FNBP4: variants seen among roughly 807,000 people sequenced by gnomAD.
The protein encoded by FNBP4 is formin-binding protein 4.
In FNBP4, 34 loss-of-function variants were observed where a neutral mutation model predicts 119.3. The observed-to-expected ratio is 0.28, with a 90% confidence interval of 0.22 to 0.38. The LOEUF is 0.38. Among genes scored for constraint, FNBP4 ranks in the 10% least tolerant of loss-of-function variants. The probability of loss-of-function intolerance (pLI) is 1.00; values close to 1 mark genes in which losing one functional copy is unlikely to be tolerated. For missense variants in FNBP4, 1,112 were observed against 1,228.9 expected (o/e 0.90, Z 1.42); for synonymous variants, 462 against 430.6 (o/e 1.07, Z -0.90).
At chr11:47,762,824 C>G (rs1024280157) in intron 2 of FNBP4, among the ~76,000 whole-genome samples, 1 of 147,396 alleles carries the variant, frequency 6.8e-6, no homozygotes, top group South Asian at 2.1e-4. Context: ...GAAGGAGAAT[C>G]GCCGGAGCCC....
In FNBP4 at chr11:47,755,795, C is replaced by CAA. The variant is rs142581835; in HGVS notation, c.314-1133_314-1132dup. On this transcript the variant is annotated intron_variant, in intron 2 of 16. Transcript: ENST00000263773. ...GACAAAGTGAGACTGACCATGTCTC[C>CAA]AAAAAAAAAACAAAAACAAAAAAAA... 6.4e-3 allele frequency among the ~76,000 whole-genome samples: 852 copies of CAA among 132,314 alleles called. 12 individuals carry two copies. The highest frequency in any genetic ancestry group is 0.023 in the African/African-American group (817 of 35,884). 86.8% of individuals were successfully genotyped at this position (132,314 alleles called of 152,430 possible).
At chr11:47,747,286 C>T (rs529812655) in intron 6 of FNBP4, among the ~76,000 whole-genome samples, 6 of 152,282 alleles carry the variant, frequency 3.9e-5, no homozygotes, top group South Asian at 2.1e-4. Context: ...CTCACTGCAA[C>T]GTCTGCCTCC....
chr11:47,762,689 G>A (rs1296125916), intron 2 of FNBP4, among the ~76,000 whole-genome samples: 2 of 151,778 alleles, frequency 1.3e-5, no homozygotes, highest in Non-Finnish European at 2.9e-5. Context: ...GAGGCAGGTG[G>A]ATTACTTGAA....
At chr11:47,757,903 G>A (rs2097623251) in intron 2 of FNBP4, among the ~76,000 whole-genome samples, 1 of 152,134 alleles carries the variant, frequency 6.6e-6, no homozygotes, top group Admixed American at 6.6e-5. Context: ...TCAAACTCCT[G>A]GCCTCAAATG....
At chr11:47,728,383 G>A (rs981843954) in intron 12 of FNBP4, among the ~76,000 whole-genome samples, 1 of 151,740 alleles carries the variant, frequency 6.6e-6, no homozygotes, top group African/African-American at 2.4e-5. Context: ...CCGAGTAGCT[G>A]GGATTACAGG....
rs368957872 is a variant in FNBP4, at chr11:47,736,674, G to A, written c.1523C>T (p.Ser508Phe). ...TGTCTGTACTTTTATTTTCTCTGGAGATTCTTCTACTTCCATCTCTTTATC... is the reference window on the plus strand; with the variant it reads ...TGTCTGTACTTTTATTTTCTCTGGAAATTCTTCTACTTCCATCTCTTTATC... ...NSDKEMEVEE[S>F]PEKIKVQTTP... Residue 508 changes from serine (S) to phenylalanine (F), a missense_variant, in exon 9 of 17, where the codon TCT becomes TTT. Transcript: ENST00000263773. 13 of 1,604,824 alleles carry A rather than the reference G, an allele frequency of 8.1e-6. No homozygotes were observed. The African/African-American group carries it at 1.7e-4, about 22-fold the overall frequency.
rs143707313 is a variant in FNBP4, at chr11:47,761,315, C to T, written c.313+3955G>A. Reference sequence around the variant, plus strand: ...CTTTATCTTAGAAAAATCTCAGAGGCTGGGCATGGTCGCTCACCGCTCTAA... The same window carrying T: ...CTTTATCTTAGAAAAATCTCAGAGGTTGGGCATGGTCGCTCACCGCTCTAA... On this transcript the variant is annotated intron_variant, in intron 2 of 16. Transcript: ENST00000263773. 1.1e-3 allele frequency among the ~76,000 whole-genome samples: 169 copies of T among 152,290 alleles called. 2 individuals are homozygous for T. Among genetic ancestry groups the T allele is most frequent in the African/African-American group, 3.5e-3 (146 of 41,560 alleles).
chr11:47,720,670 C>A (rs1043351249), intron 15 of FNBP4, among the ~76,000 whole-genome samples: 2 of 151,548 alleles, frequency 1.3e-5, no homozygotes, highest in South Asian at 4.2e-4. Flanking sequence ...ACCTCCCTAT[C>A]CTATGTAATT....
At chr11:47,746,949 C>A (rs1262434107) in intron 6 of FNBP4, among the ~76,000 whole-genome samples, 1 of 152,140 alleles carries the variant, frequency 6.6e-6, no homozygotes, top group Non-Finnish European at 1.5e-5. Context: ...TGTCAAAAGG[C>A]AGACTAGTAG....
chr11:47,751,439 G>T, intron 4 of FNBP4, 149 bp from the exon 5 acceptor site: 1 of 848,384 alleles, frequency 1.2e-6, no homozygotes, highest in Non-Finnish European at 1.8e-6. Flanking sequence ...GCAATCCTAT[G>T]TGGAGGTTTT....
In FNBP4 at chr11:47,719,823, A is replaced by C. The variant is rs866534431; in HGVS notation, c.2963+106T>G. The C allele has an allele frequency of 7.8e-6, 9 of 1,150,742 alleles. No individual in the cohort carries two copies. In the African/African-American group the frequency reaches 9.4e-5, roughly 12 times the overall value. 71.3% of individuals were successfully genotyped at this position (1,150,742 alleles called of 1,614,324 possible). ...AAATTTACAAGCTGTGATTTTAAGA[A>C]TATGTCTATTCTAATGCATCTATAA... is the stretch of plus-strand genomic sequence containing the variant. On this transcript the variant is annotated intron_variant, in intron 16 of 16. Coordinates refer to ENST00000263773, the MANE Select transcript of FNBP4 (RefSeq NM_015308.5).
chr11:47,725,179 ACACT>A (rs2097559700), intron 12 of FNBP4: 2 of 157,930 alleles, frequency 1.3e-5, no homozygotes, highest in East Asian at 1.9e-4. Flanking sequence ...TTGATTTCAA[ACACT>A]CACAAGCTTC....
chr11:47,759,553 A>G (rs533565715), intron 2 of FNBP4, among the ~76,000 whole-genome samples: 4 of 152,280 alleles, frequency 2.6e-5, no homozygotes, highest in South Asian at 2.1e-4. Flanking sequence ...ATTCAGCTTT[A>G]TAAGAGCAGA....
intron 10 of FNBP4, among the ~76,000 whole-genome samples, chr11:47,733,378 G>C (rs1290375443): frequency 6.6e-6 from 1 of 151,114 alleles, no homozygotes; most frequent in Admixed American, 6.6e-5. Context: ...TGGCTCTGTT[G>C]CCCAGGCTAG....
chr11:47,735,686 A>G (rs2097573010), intron 9 of FNBP4, among the ~76,000 whole-genome samples: 1 of 152,230 alleles, frequency 6.6e-6, no homozygotes, highest in African/African-American at 2.4e-5. Context: ...TCAGACTTAA[A>G]TATGATCTTT....
intron 2 of FNBP4, among the ~76,000 whole-genome samples, chr11:47,758,557 A>C (rs2097625172): frequency 6.6e-6 from 1 of 152,080 alleles, no homozygotes; most frequent in Non-Finnish European, 1.5e-5. Context: ...TAAACTGGTA[A>C]GAAAGATATT....
rs1434532935 is a variant in FNBP4 at position 47,744,731 on chromosome 11, A to G, written c.1246-568T>C. 3.9e-5 allele frequency among the ~76,000 whole-genome samples: 6 copies of G among 152,230 alleles called. No individual in the cohort carries two copies. The East Asian group carries it at 1.2e-3, about 29-fold the overall frequency. ...CTCAAGCATTTATCCTTTGAGTTAC[A>G]AATAATCCAACTTCATTCTTTAAAG... On this transcript the variant is annotated intron_variant, in intron 7 of 16. Coordinates refer to ENST00000263773, the MANE Select transcript of FNBP4 (RefSeq NM_015308.5).
intron 11 of FNBP4, 41 bp from the exon 12 acceptor site, chr11:47,731,602 C>A: frequency 6.4e-7 from 1 of 1,571,834 alleles, no homozygotes; most frequent in Admixed American, 1.9e-5. Context: ...AAAACCCGTT[C>A]TCCTACAAAG....
Position 47,736,740 on chromosome 11 carries a change from G to A in FNBP4, c.1457C>T (p.Ala486Val). 6.3e-7 allele frequency: 1 copy of A among 1,593,120 alleles called. No homozygotes were observed. Among genetic ancestry groups the A allele is most frequent in the Non-Finnish European group, 8.6e-7 (1 of 1,166,308 alleles). ...TTTTTCTGAATTTTCAGCACCAATT[G>A]CTGTAAAAAAAACATGTAAAATTAA... The part of the protein sequence containing the change: ...GRDTPENGET[A>V]IGAENSEKID... Residue 486 changes from alanine (A) to valine (V), a missense_variant and splice_region_variant, in exon 9 of 17, where the codon GCA becomes GTA. By Grantham distance (64) the Ala-to-Val change is moderately conservative. Around this residue, in one of 2 missense-constraint regions of FNBP4, gnomAD observed 826 missense variants for 988.8 expected, o/e 0.84. Coordinates refer to ENST00000263773, the MANE Select transcript of FNBP4 (RefSeq NM_015308.5).
Sources: allele counts gnomAD v4.1 joint callset (sites outside exome capture counted in the v4.1 genomes callset), GRCh38; gene constraint gnomAD v4.1.1; regional missense constraint gnomAD v4.1.1; transcripts MANE v1.5; gene names NCBI Gene and HGNC (gene_info 2026-07-23, HGNC 2026-07-21).